The following NGLY1 variants were observed in gnomAD, a reference collection of about 807,000 sequenced individuals.
The protein encoded by NGLY1 is peptide-N(4)-(N-acetyl-beta-glucosaminyl)asparagine amidase.
A neutral mutation model predicts 84.6 loss-of-function variants in NGLY1; 68 were observed. The ratio of observed to expected loss-of-function variants is 0.80; its 90% CI spans 0.66 to 0.98. The LOEUF (loss-of-function observed/expected upper bound fraction) is 0.98. NGLY1 is among the 50% of genes least tolerant of loss of function. The pLI is 0.00. For missense variants in NGLY1, 779 were observed against 770.2 expected (o/e 1.01, Z -0.14); for synonymous variants, 280 against 275.2 (o/e 1.02, Z -0.17).
Position 25,722,826 on chromosome 3 carries a change from C to G in NGLY1, c.1612-2635G>C, listed in dbSNP as rs148602844. Among the ~76,000 whole-genome samples the G allele has an allele frequency of 3.2e-3, 494 of 152,212 alleles. 2 individuals carry two copies. The highest frequency in any genetic ancestry group is 5.8e-3 in the Non-Finnish European group (393 of 68,016). ...CCCGGGAGTCATTAGTTTCACCCAT[C>G]CTAAACTATTAGGCATCTGGGTTAC... On this transcript the variant is annotated intron_variant, in intron 10 of 11. Coordinates refer to ENST00000280700, the MANE Select transcript of NGLY1 (RefSeq NM_018297.4).
intron 4 of NGLY1, among the ~76,000 whole-genome samples, chr3:25,747,084 A>C (rs1706474529): frequency 6.6e-6 from 1 of 152,220 alleles, no homozygotes; most frequent in African/African-American, 2.4e-5. Context: ...ATTATACTTC[A>C]TACATTACAT....
chr3:25,722,268 TAC>T (rs1235251892), intron 10 of NGLY1, among the ~76,000 whole-genome samples: 63 of 66,886 alleles, frequency 9.4e-4, no homozygotes, highest in African/African-American at 1.6e-3. Flanking sequence ...AAGATCTGTA[TAC>T]ACACATATAT....
At chr3:25,761,280 C>G (rs148836543) in intron 3 of NGLY1, among the ~76,000 whole-genome samples, 1 of 151,990 alleles carries the variant, frequency 6.6e-6, no homozygotes, top group Non-Finnish European at 1.5e-5. Context: ...CATTTTCAAC[C>G]GAGATAAAGT....
At chr3:25,722,020 C>A (rs1705020548) in intron 10 of NGLY1, among the ~76,000 whole-genome samples, 1 of 151,578 alleles carries the variant, frequency 6.6e-6, no homozygotes, top group Non-Finnish European at 1.5e-5. Context: ...GTGTTCAAGA[C>A]CAGCCTAGCC....
At chr3:25,768,022 A>C (rs1707694744) in intron 2 of NGLY1, among the ~76,000 whole-genome samples, 1 of 149,058 alleles carries the variant, frequency 6.7e-6, no homozygotes, top group Non-Finnish European at 1.5e-5. Context: ...CTGAGGCAAG[A>C]GAATCACTTG....
At chr3:25,769,737 A>C (rs1346058892) in intron 2 of NGLY1, among the ~76,000 whole-genome samples, 1 of 152,182 alleles carries the variant, frequency 6.6e-6, no homozygotes, top group African/African-American at 2.4e-5. Context: ...ATGATCTTTA[A>C]TTTTTTAAAA....
At chr3:25,748,545 T>C (rs1047062726) in intron 4 of NGLY1, among the ~76,000 whole-genome samples, 2 of 152,240 alleles carry the variant, frequency 1.3e-5, no homozygotes, top group African/African-American at 2.4e-5. Context: ...AGCTTTTACA[T>C]GTATTTTTTC....
Position 25,743,371 on chromosome 3 carries a change from C to T in NGLY1, c.659-3572G>A, listed in dbSNP as rs114691956. ...TCCTGTCTTGTTCACTGGCTACAGC[C>T]ACCATGCTCTCCCTGCCATCTCTTA... is the stretch of plus-strand genomic sequence containing the variant. On this transcript the variant is annotated intron_variant, in intron 4 of 11. Coordinates refer to ENST00000280700, the MANE Select transcript of NGLY1 (RefSeq NM_018297.4). Among the ~76,000 whole-genome samples the T allele has an allele frequency of 3.1e-3, 466 of 152,320 alleles. 4 individuals are homozygous for T. The highest frequency in any genetic ancestry group is 0.011 in the African/African-American group (452 of 41,570).
At chr3:25,734,779 T>G (rs1374570288) in intron 7 of NGLY1, 1 of 933,896 alleles carries the variant, frequency 1.1e-6, no homozygotes, top group Non-Finnish European at 1.3e-6. Context: ...ACGTCACTTA[T>G]TCATTCCTAA....
intron 2 of NGLY1, among the ~76,000 whole-genome samples, chr3:25,775,663 G>A (rs1708124199): frequency 6.6e-6 from 1 of 152,152 alleles, no homozygotes; most frequent in South Asian, 2.1e-4. Flanking sequence ...AAATAAAGAA[G>A]AGTGGAATGG....
chr3:25,727,029 CTGAGAAAAACGGTAG>C (rs1705299671), intron 10 of NGLY1, among the ~76,000 whole-genome samples: 1 of 152,102 alleles, frequency 6.6e-6, no homozygotes, highest in Non-Finnish European at 1.5e-5. Flanking sequence ...TTGGAGATTA[CTGAGAAAAACGGTAG>C]TGAGAAATAG....
chr3:25,719,400 C>T lies in NGLY1; in HGVS notation c.*60G>A. Reference sequence around the variant, plus strand: ...AACTGCCAACTAAGCATGCACTGAACCAACAGACTACTTCAGTAAGTCCTT... The same window carrying T: ...AACTGCCAACTAAGCATGCACTGAATCAACAGACTACTTCAGTAAGTCCTT... On this transcript the variant is annotated 3_prime_UTR_variant, in exon 12 of 12. Coordinates refer to ENST00000280700, the MANE Select transcript of NGLY1 (RefSeq NM_018297.4). 6.7e-7 allele frequency: 1 copy of T among 1,481,626 alleles called. No individual in the cohort carries two copies. The highest frequency in any genetic ancestry group is 9.3e-7 in the Non-Finnish European group (1 of 1,071,520). The allele number at this position is 1,481,626 out of a possible 1,614,324, so 91.8% of individuals were successfully genotyped here.
intron 3 of NGLY1, chr3:25,755,686 ATAGTC>A: frequency 7.0e-7 from 1 of 1,425,440 alleles, no homozygotes; most frequent in Non-Finnish European, 9.8e-7. Context: ...GTAAGGAATT[ATAGTC>A]TAGTCTAGAT....
rs764008677 is a variant in NGLY1, at chr3:25,736,010, T to A, written c.1143A>T (p.Lys381Asn). Residue 381 changes from lysine (K) to asparagine (N), a missense_variant, in exon 7 of 12, where the codon AAA becomes AAT. Coordinates refer to ENST00000280700, the MANE Select transcript of NGLY1 (RefSeq NM_018297.4). ...TTTTTCTTTTATGCTCTACCTCATCTTTTGAAAATGCTATGACATAGGAAA... is the reference window on the plus strand; with the variant it reads ...TTTTTCTTTTATGCTCTACCTCATCATTTGAAAATGCTATGACATAGGAAA... Reference protein sequence around the residue: ...KKLSYVIAFSKDEVVDVTWRY... With the variant: ...KKLSYVIAFSNDEVVDVTWRY... 6.2e-7 allele frequency: 1 copy of A among 1,608,184 alleles called. No individual in the cohort carries two copies. Among genetic ancestry groups the A allele is most frequent in the Non-Finnish European group, 8.5e-7 (1 of 1,178,194 alleles).
At chr3:25,737,097 GA>G (rs1705866405) in intron 6 of NGLY1, 18 of 356,212 alleles carry the variant, frequency 5.1e-5, no homozygotes, top group East Asian at 8.7e-5. Flanking sequence ...AAATAAAGGG[GA>G]AAAAAAGGAA....
At chr3:25,736,335 T>C (rs1445865978) in intron 6 of NGLY1, 186 bp from the exon 7 acceptor site, 1 of 1,551,536 alleles carries the variant, frequency 6.4e-7, no homozygotes, top group Admixed American at 2.0e-5. Flanking sequence ...CTCTTTGAAA[T>C]CCTTAAAAAT....
chr3:25,736,655 T>C (rs2125477062), intron 6 of NGLY1: 1 of 336,880 alleles, frequency 3.0e-6, no homozygotes, highest in South Asian at 6.0e-5. Context: ...CTTTTTAACA[T>C]GTAGACCACA....
intron 7 of NGLY1, chr3:25,734,311 C>T: frequency 3.0e-5 from 5 of 169,106 alleles, no homozygotes; most frequent in South Asian, 1.5e-4. Flanking sequence ...TCAGGTGATC[C>T]ACCCACCTTG....
At chr3:25,778,430 C>T (rs1708251296) in intron 2 of NGLY1, 144 bp downstream of exon 2, 1 of 466,088 alleles carries the variant, frequency 2.1e-6, no homozygotes, top group African/African-American at 2.0e-5. Flanking sequence ...TTTTAAATGT[C>T]CAATCAATGA....
Sources: allele counts gnomAD v4.1 joint callset (sites outside exome capture counted in the v4.1 genomes callset), GRCh38; gene constraint gnomAD v4.1.1; transcripts MANE v1.5; gene names NCBI Gene and HGNC (gene_info 2026-07-23, HGNC 2026-07-21).